The following DYTN variants were observed in gnomAD, a reference collection of about 807,000 sequenced individuals.
The protein encoded by DYTN is dystrotelin.
In DYTN, 75 loss-of-function variants were observed where a neutral mutation model predicts 69.6. The ratio of observed to expected loss-of-function variants is 1.08; its 90% CI spans 0.89 to 1.31. The LOEUF is 1.31. Among genes scored for constraint, DYTN ranks in the 50% most tolerant of loss-of-function variants. The pLI is 0.00. For missense variants in DYTN, 726 were observed against 688.4 expected (o/e 1.05, Z -0.61); for synonymous variants, 252 against 249.1 (o/e 1.01, Z -0.11).
intron 9 of DYTN, among the ~76,000 whole-genome samples, chr2:206,682,041 C>T (rs1375191135): frequency 6.6e-6 from 1 of 152,134 alleles, no homozygotes; most frequent in Non-Finnish European, 1.5e-5. Context: ...TTACTTACTG[C>T]CTCAATTTCA....
chr2:206,682,614 T>C (rs1021592629), intron 9 of DYTN, among the ~76,000 whole-genome samples: 14 of 152,170 alleles, frequency 9.2e-5, no homozygotes, highest in Admixed American at 2.0e-4. Flanking sequence ...TGATCTCATA[T>C]AACCTCATGG....
At chr2:206,714,012 T>C (rs1226546546) in intron 1 of DYTN, among the ~76,000 whole-genome samples, 1 of 152,162 alleles carries the variant, frequency 6.6e-6, no homozygotes, top group African/African-American at 2.4e-5. Context: ...AACTGCTTGG[T>C]GTACTTCTTT....
intron 11 of DYTN, among the ~76,000 whole-genome samples, chr2:206,658,827 C>CGT (rs1287203603): frequency 1.3e-5 from 2 of 152,132 alleles, no homozygotes; most frequent in African/African-American, 2.4e-5. Context: ...TCACTCTACT[C>CGT]CTCTGTCTTG....
At chr2:206,690,585 T>C (rs1699853695) in intron 9 of DYTN, among the ~76,000 whole-genome samples, 1 of 152,108 alleles carries the variant, frequency 6.6e-6, no homozygotes, top group South Asian at 2.1e-4. Context: ...GTGGTGGCAG[T>C]AGAAATAATG....
At chr2:206,695,554 C>T (rs530204154) in intron 7 of DYTN, among the ~76,000 whole-genome samples, 8 of 152,196 alleles carry the variant, frequency 5.3e-5, no homozygotes, top group Admixed American at 1.3e-4. Flanking sequence ...TCAGAAGGAG[C>T]GGAGAGAGTC....
At chr2:206,707,754 A>G (rs970491861) in intron 2 of DYTN, among the ~76,000 whole-genome samples, 1 of 152,164 alleles carries the variant, frequency 6.6e-6, no homozygotes, top group African/African-American at 2.4e-5. Flanking sequence ...CATTATTACC[A>G]GTACAGTTTC....
intron 9 of DYTN, among the ~76,000 whole-genome samples, chr2:206,675,739 G>T (rs1054841508): frequency 6.6e-5 from 10 of 152,070 alleles, no homozygotes; most frequent in African/African-American, 2.2e-4. Context: ...AAGAATAATT[G>T]TGTTATACAA....
chr2:206,698,484 C>T lies in DYTN; in HGVS notation c.719+1243G>A, dbSNP rs552405715. Among the ~76,000 whole-genome samples, 9 of 152,224 alleles carry T rather than the reference C, an allele frequency of 5.9e-5. No individual in the cohort carries two copies. The South Asian group carries it at 6.2e-4, about 11-fold the overall frequency. On this transcript the variant is annotated intron_variant, in intron 7 of 11. Transcript: ENST00000452335. ...GAGGCCTCTTGTCCCCTTCTCCTTC[C>T]GGGAACCCTCAGTTTTGCCTTGTAT...
At chr2:206,684,907 A>G (rs1314438046) in intron 9 of DYTN, among the ~76,000 whole-genome samples, 1 of 152,198 alleles carries the variant, frequency 6.6e-6, no homozygotes, top group African/African-American at 2.4e-5. Flanking sequence ...AATGACTCAG[A>G]TAATAAGTTT....
chr2:206,676,730 T>C (rs947340458), intron 9 of DYTN, among the ~76,000 whole-genome samples: 2 of 152,184 alleles, frequency 1.3e-5, no homozygotes, highest in East Asian at 3.9e-4. Context: ...TTAACAGCAC[T>C]GTGTATTGTA....
intron 11 of DYTN, among the ~76,000 whole-genome samples, chr2:206,657,485 G>A (rs1699463100): frequency 6.6e-6 from 1 of 152,028 alleles, no homozygotes; most frequent in African/African-American, 2.4e-5. Context: ...TTTTTGTATT[G>A]TATATTCATT....
At chr2:206,701,650 A>G (rs950798339) in intron 5 of DYTN, among the ~76,000 whole-genome samples, 1 of 152,200 alleles carries the variant, frequency 6.6e-6, no homozygotes, top group Non-Finnish European at 1.5e-5. Context: ...AAATGAGAAG[A>G]TGTTGATTAA....
rs566147069 is a variant in DYTN at position 206,651,723 on chromosome 2, T to C, written c.*95A>G. On this transcript the variant is annotated 3_prime_UTR_variant, in exon 12 of 12. Transcript: ENST00000452335. Reference sequence around the variant, plus strand: ...GTTTTCTTCATAGTTCACACTAAACTATTAAAAGAAAGGTAGAAGTCTTAA... The same window carrying C: ...GTTTTCTTCATAGTTCACACTAAACCATTAAAAGAAAGGTAGAAGTCTTAA... 9.1e-5 allele frequency: 106 copies of C among 1,163,560 alleles called. No individual in the cohort carries two copies. The African/African-American group carries it at 1.3e-3, about 14-fold the overall frequency. The allele number at this position is 1,163,560 out of a possible 1,614,324, so 72.1% of individuals were successfully genotyped here.
intron 5 of DYTN, among the ~76,000 whole-genome samples, chr2:206,702,954 G>T (rs753421617): frequency 7.9e-5 from 12 of 152,082 alleles, no homozygotes; most frequent in Non-Finnish European, 1.0e-4. Context: ...TGATGTTTAG[G>T]GGGGGATTTG....
chr2:206,699,994 T>C (rs372917461), intron 6 of DYTN, 104 bp from the exon 7 acceptor site: 41 of 1,539,382 alleles, frequency 2.7e-5, no homozygotes, highest in African/African-American at 8.2e-5. Context: ...AAGTTTATCA[T>C]AGGAAAAGCT....
chr2:206,674,275 A>C (rs1386005601), intron 9 of DYTN, among the ~76,000 whole-genome samples: 1 of 152,200 alleles, frequency 6.6e-6, no homozygotes, highest in Non-Finnish European at 1.5e-5. Context: ...ATTCAAATAG[A>C]AATTTGAAGA....
intron 1 of DYTN, among the ~76,000 whole-genome samples, chr2:206,714,327 C>T (rs928860835): frequency 7.9e-5 from 12 of 152,156 alleles, no homozygotes; most frequent in South Asian, 4.1e-4. Context: ...CTCAGCCTCC[C>T]GAGTAGCTGG....
intron 9 of DYTN, among the ~76,000 whole-genome samples, chr2:206,691,047 G>T (rs974168142): frequency 6.6e-6 from 1 of 152,188 alleles, no homozygotes; most frequent in Non-Finnish European, 1.5e-5. Flanking sequence ...GAGTGGGTGA[G>T]AAGTGCTGTC....
At chr2:206,713,110 C>A (rs1245437418) in intron 1 of DYTN, among the ~76,000 whole-genome samples, 4 of 152,182 alleles carry the variant, frequency 2.6e-5, no homozygotes, top group African/African-American at 9.7e-5. Flanking sequence ...AATTTATTTT[C>A]ATTTGTTTTA....
Sources: allele counts gnomAD v4.1 joint callset (sites outside exome capture counted in the v4.1 genomes callset), GRCh38; gene constraint gnomAD v4.1.1; transcripts MANE v1.5; gene names NCBI Gene and HGNC (gene_info 2026-07-23, HGNC 2026-07-21).